The following CAV1 variants were observed in gnomAD, a reference collection of about 807,000 sequenced individuals.
The protein encoded by CAV1 is caveolin-1.
A neutral mutation model predicts 16.5 loss-of-function variants in CAV1; 10 were observed. The observed-to-expected ratio is 0.61, with a 90% CI of 0.37 to 1.03. CAV1 has a LOEUF of 1.03. Among genes scored for constraint, CAV1 ranks in the 50% least tolerant of loss-of-function variants. The pLI is 0.01. For synonymous variants in CAV1, 76 were observed against 85.1 expected (o/e 0.89, Z 0.59); for missense variants, 212 against 232.8 (o/e 0.91, Z 0.58).
At chr7:116,541,624 C>T (rs1793937525) in intron 2 of CAV1, among the ~76,000 whole-genome samples, 1 of 151,936 alleles carries the variant, frequency 6.6e-6, no homozygotes, top group South Asian at 2.1e-4. Flanking sequence ...TGATGGCATG[C>T]ACCTGTAGTC....
rs1277380622 is a variant in CAV1, at chr7:116,525,182, G to C, written c.30+90G>C. On this transcript the variant is annotated intron_variant, in intron 1 of 2. Transcript: ENST00000341049. Reference sequence around the variant, plus strand: ...CTCCAAATATCCCGACTGCTGCCCTGGCCCCAGCCCTCTCTCCACTTCGGA... The same window carrying C: ...CTCCAAATATCCCGACTGCTGCCCTCGCCCCAGCCCTCTCTCCACTTCGGA... 12 of 1,612,024 alleles carry C rather than the reference G, an allele frequency of 7.4e-6. No homozygotes were observed. In the South Asian group the frequency reaches 1.3e-4, roughly 18 times the overall value.
rs186679488 is a variant in CAV1 at position 116,556,475 on chromosome 7, T to A, written c.196-2471T>A. Reference sequence around the variant, plus strand: ...AAAGTTGATAACTTTCAGACCAGATTTAAGCCTCAAATCTACCTCTCTTTT... The same window carrying A: ...AAAGTTGATAACTTTCAGACCAGATATAAGCCTCAAATCTACCTCTCTTTT... On this transcript the variant is annotated intron_variant, in intron 2 of 2. Coordinates refer to ENST00000341049, the MANE Select transcript of CAV1 (RefSeq NM_001753.5). 1.8e-4 allele frequency among the ~76,000 whole-genome samples: 27 copies of A among 150,562 alleles called. 1 individual carries two copies. Among genetic ancestry groups the A allele is most frequent in the African/African-American group, 6.3e-4 (26 of 41,432 alleles).
chr7:116,527,648 G>A (rs1289009577), intron 2 of CAV1, among the ~76,000 whole-genome samples: 1 of 152,118 alleles, frequency 6.6e-6, no homozygotes, highest in Non-Finnish European at 1.5e-5. Context: ...CTTGGCAAAG[G>A]GTTTTCTCTG....
intron 2 of CAV1, among the ~76,000 whole-genome samples, chr7:116,552,797 C>A (rs1794189881): frequency 6.6e-6 from 1 of 152,206 alleles, no homozygotes; most frequent in African/African-American, 2.4e-5. Context: ...AACTGAGTCA[C>A]ATGCCTGCCT....
chr7:116,539,476 A>T (rs765096784), intron 2 of CAV1, among the ~76,000 whole-genome samples: 2 of 152,142 alleles, frequency 1.3e-5, no homozygotes, highest in Admixed American at 6.5e-5. Context: ...AGACACTGGG[A>T]TTACATTATT....
At chr7:116,556,238 C>T (rs539759265) in intron 2 of CAV1, among the ~76,000 whole-genome samples, 37 of 152,278 alleles carry the variant, frequency 2.4e-4, no homozygotes, top group Admixed American at 3.9e-4. Flanking sequence ...AGAAATCTTA[C>T]ACACTCATGT....
Position 116,525,321 on chromosome 7 carries a change from T to A in CAV1, c.30+229T>A, listed in dbSNP as rs1334802574. ...GAGGGGGCCTAGGGAGCCCCTGAGC[T>A]AGGAGGACACGGAAAAGGGGATTGG... On this transcript the variant is annotated intron_variant, in intron 1 of 2. Transcript: ENST00000341049. 1.9e-6 allele frequency: 3 copies of A among 1,548,504 alleles called. No homozygotes were observed. The Admixed American group carries it at 5.9e-5, about 30-fold the overall frequency.
At chr7:116,547,017 A>G (rs1794065317) in intron 2 of CAV1, among the ~76,000 whole-genome samples, 1 of 152,188 alleles carries the variant, frequency 6.6e-6, no homozygotes, top group South Asian at 2.1e-4. Context: ...TGTGGATTGC[A>G]GCTACATAAC....
chr7:116,543,198 A>G (rs1353605069), intron 2 of CAV1, among the ~76,000 whole-genome samples: 1 of 152,214 alleles, frequency 6.6e-6, no homozygotes, highest in Non-Finnish European at 1.5e-5. Context: ...CTTTATTTAT[A>G]AAATTCCGAG....
In CAV1 at chr7:116,559,805, G is replaced by A. The variant is rs1319430171; in HGVS notation, c.*518G>A. The A allele has an allele frequency of 1.2e-5, 5 of 406,518 alleles. No homozygotes were observed. The highest frequency in any genetic ancestry group is 2.2e-5 in the Non-Finnish European group (5 of 230,958). The allele number at this position is 406,518 out of a possible 1,614,324, so 25.2% of individuals were successfully genotyped here. On this transcript the variant is annotated 3_prime_UTR_variant, in exon 3 of 3. Transcript: ENST00000341049. The stretch of plus-strand genomic sequence containing the variant: ...TGCCATTCACTTCATAATCCAGTAG[G>A]ATCCAGTGATCCTTACAAGTTAGAA...
In CAV1 at chr7:116,526,224, G is replaced by A. The variant is rs991744959; in HGVS notation, c.31-301G>A. 4 of 1,028,132 alleles carry A rather than the reference G, an allele frequency of 3.9e-6. No homozygotes were observed. In the African/African-American group the frequency reaches 5.2e-5, roughly 13 times the overall value. 63.7% of individuals were successfully genotyped at this position (1,028,132 alleles called of 1,614,324 possible). A position where few individuals can be genotyped will look rare whatever the true frequency, so the allele number is the denominator to read the frequency against. On this transcript the variant is annotated intron_variant, in intron 1 of 2. Transcript: ENST00000341049. ...TGAGCCGGGGCGTGCGCGGGCGGGG[G>A]CCTTCGGACCGCGCGGCGGGGCCTG...
In CAV1 at chr7:116,546,697, C is replaced by CAAAAAAAAAAAAAAAAAAAAA. The variant is rs5886830; in HGVS notation, c.196-12232_196-12231insAAAAAAAAAAAAAAAAAAAAA. 5.4e-3 allele frequency among the ~76,000 whole-genome samples: 474 copies of CAAAAAAAAAAAAAAAAAAAAA among 88,272 alleles called. 11 individuals are homozygous for CAAAAAAAAAAAAAAAAAAAAA. The highest frequency in any genetic ancestry group is 6.5e-3 in the African/African-American group (147 of 22,504). The allele number at this position is 88,272 out of a possible 152,430, so 57.9% of individuals were successfully genotyped here. On this transcript the variant is annotated intron_variant, in intron 2 of 2. Coordinates refer to ENST00000341049, the MANE Select transcript of CAV1 (RefSeq NM_001753.5). The stretch of plus-strand genomic sequence containing the variant: ...GGGCAACAAGAATGAGACTCTGTCA[C>CAAAAAAAAAAAAAAAAAAAAA]AAAAAAAAAAAAAAAAAGTCTGCAG...
intron 2 of CAV1, among the ~76,000 whole-genome samples, chr7:116,549,786 C>G (rs892375907): frequency 6.6e-6 from 1 of 152,092 alleles, no homozygotes; most frequent in Non-Finnish European, 1.5e-5. Context: ...GAAATATTTA[C>G]ATGCTAATTA....
At position 116,525,841 on chromosome 7, in the gene CAV1, T is replaced by C; in HGVS notation, c.31-684T>C. 3.0e-6 allele frequency: 3 copies of C among 998,600 alleles called. No homozygotes were observed. In the South Asian group the frequency reaches 1.4e-4, roughly 45 times the overall value. 61.9% of individuals were successfully genotyped at this position (998,600 alleles called of 1,614,324 possible). The stretch of plus-strand genomic sequence containing the variant: ...GTTCTAGGACATTTAGGGGGTCTGG[T>C]GCCTGGCTCCGCCAAAAATGGGGAC... On this transcript the variant is annotated intron_variant, in intron 1 of 2. Transcript: ENST00000341049.
At chr7:116,538,948 G>T (rs1036307273) in intron 2 of CAV1, among the ~76,000 whole-genome samples, 2 of 152,106 alleles carry the variant, frequency 1.3e-5, no homozygotes, top group Non-Finnish European at 2.9e-5. Flanking sequence ...TGGGGGAACC[G>T]CCACCATGAT....
chr7:116,525,260 A>G lies in CAV1; in HGVS notation c.30+168A>G, dbSNP rs754440962. 1.3e-5 allele frequency: 20 copies of G among 1,593,982 alleles called. No individual in the cohort carries two copies. The South Asian group carries it at 1.5e-4, about 12-fold the overall frequency. The stretch of plus-strand genomic sequence containing the variant: ...GGAATGGGCCTGGGCGGGGAGGTGA[A>G]GAGAAGCCAGGAATGTTTTATGTTT... On this transcript the variant is annotated intron_variant, in intron 1 of 2. Coordinates refer to ENST00000341049, the MANE Select transcript of CAV1 (RefSeq NM_001753.5).
rs1794359090 is a variant in CAV1, at chr7:116,559,367, T to C, written c.*80T>C. ...GTGCCAATTTCAAGTTCCAAGTTGC[T>C]AATACAGCAACAATTTATGAATTGA... On this transcript the variant is annotated 3_prime_UTR_variant, in exon 3 of 3. Transcript: ENST00000341049. 17 of 929,724 alleles carry C rather than the reference T, an allele frequency of 1.8e-5. No individual in the cohort carries two copies. Among genetic ancestry groups the C allele is most frequent in the Non-Finnish European group, 1.2e-5 (7 of 580,152 alleles). 57.6% of individuals were successfully genotyped at this position (929,724 alleles called of 1,614,324 possible).
rs145339317 is a variant in CAV1, at chr7:116,559,713, G to A, written c.*426G>A. ...AAGAATTCCAGGGTATGGCCATGGA[G>A]TGTACAAGTATGTGGGCAGATTTTC... On this transcript the variant is annotated 3_prime_UTR_variant, in exon 3 of 3. Coordinates refer to ENST00000341049, the MANE Select transcript of CAV1 (RefSeq NM_001753.5). The A allele has an allele frequency of 1.6e-5, 8 of 495,700 alleles. No homozygotes were observed. In the Admixed American group the frequency reaches 2.3e-4, roughly 14 times the overall value. 30.7% of individuals were successfully genotyped at this position (495,700 alleles called of 1,614,324 possible).
At chr7:116,537,517 C>T (rs1793848770) in intron 2 of CAV1, among the ~76,000 whole-genome samples, 1 of 152,058 alleles carries the variant, frequency 6.6e-6, no homozygotes, top group African/African-American at 2.4e-5. Context: ...AGCAGATTGC[C>T]AGAACAACAC....
Sources: allele counts gnomAD v4.1 joint callset (sites outside exome capture counted in the v4.1 genomes callset), GRCh38; gene constraint gnomAD v4.1.1; transcripts MANE v1.5; gene names NCBI Gene and HGNC (gene_info 2026-07-23, HGNC 2026-07-21).